FRMD1: variants seen among roughly 807,000 people sequenced by gnomAD.
FRMD1 encodes FERM domain containing 1.
A neutral mutation model predicts 54.9 loss-of-function variants in FRMD1; 51 were observed. The ratio of observed to expected loss-of-function variants is 0.93; its 90% CI spans 0.74 to 1.17. The LOEUF is 1.17. Ranked by LOEUF, FRMD1 falls within the 50% of genes most tolerant of loss-of-function variation. The pLI, the probability that FRMD1 is intolerant of heterozygous loss-of-function variation, is 0.00. For synonymous variants in FRMD1, 324 were observed against 306.4 expected (o/e 1.06, Z -0.60); for missense variants, 729 against 743.0 (o/e 0.98, Z 0.22).
In FRMD1 at chr6:168,054,976, T is replaced by C. The variant is rs956464990; in HGVS notation, c.*2121A>G. 1 of 152,298 alleles carries C rather than the reference T, an allele frequency of 6.6e-6. No homozygotes were observed. Among genetic ancestry groups the C allele is most frequent in the Non-Finnish European group, 1.5e-5 (1 of 68,096 alleles). The allele number at this position is 152,298 out of a possible 1,614,324, so 9.4% of individuals were successfully genotyped here. On this transcript the variant is annotated 3_prime_UTR_variant, in exon 11 of 11. Transcript: ENST00000283309. ...AGTCTCAGGGCAGCGGGCCTCTAAT[T>C]GTCCTCTCCACATACCCTGAACACC...
chr6:168,076,745 C>T (rs1006285191), intron 1 of FRMD1, among the ~76,000 whole-genome samples: 1 of 152,214 alleles, frequency 6.6e-6, no homozygotes, highest in Non-Finnish European at 1.5e-5. Flanking sequence ...TGATTATTGT[C>T]TGCTTAACTT....
Position 168,054,328 on chromosome 6 carries a change from C to T in FRMD1, c.*2769G>A, listed in dbSNP as rs575480972. The T allele has an allele frequency of 8.7e-4, 132 of 152,474 alleles. No homozygotes were observed. Among genetic ancestry groups the T allele is most frequent in the South Asian group, 5.4e-3 (26 of 4,828 alleles). The allele number at this position is 152,474 out of a possible 1,614,324, so 9.4% of individuals were successfully genotyped here. A position where few individuals can be genotyped will look rare whatever the true frequency, so the allele number is the denominator to read the frequency against. On this transcript the variant is annotated 3_prime_UTR_variant, in exon 11 of 11. Coordinates refer to ENST00000283309, the MANE Select transcript of FRMD1 (RefSeq NM_024919.6). The stretch of plus-strand genomic sequence containing the variant: ...GCTTGACCGCTGACCTGGCCCGGGC[C>T]ACAGGACTGACCACCCCAGCCGGGC...
chr6:168,057,288 C>T lies in FRMD1; in HGVS notation c.1459G>A (p.Asp487Asn). The change falls in exon 11 of 11, where the codon GAC becomes AAC. Residue 487 changes from aspartate to asparagine, a missense_variant. Transcript: ENST00000283309. ...GCCAGCTGGTGCAGCTGCATGTCGT[C>T]CAGGCCATGGCTGTGCTGCTCCTCA... is the stretch of plus-strand genomic sequence containing the variant. ...VSEEQHSHGL[D>N]DMQLHQLALH... 1.9e-6 allele frequency: 3 copies of T among 1,612,412 alleles called. No individual in the cohort carries two copies. The highest frequency in any genetic ancestry group is 2.5e-6 in the Non-Finnish European group (3 of 1,179,776).
intron 9 of FRMD1, among the ~76,000 whole-genome samples, chr6:168,060,172 T>C (rs1267226743): frequency 2.8e-5 from 2 of 70,324 alleles, no homozygotes; most frequent in Admixed American, 4.3e-4. Context: ...GGGGACTTCT[T>C]AGGAATGGGG....
chr6:168,089,943 C>T (rs1171289051), intron 1 of FRMD1, among the ~76,000 whole-genome samples: 1 of 152,178 alleles, frequency 6.6e-6, no homozygotes, highest in Non-Finnish European at 1.5e-5. Flanking sequence ...CTGCCCTCCT[C>T]GCCGGCAGGA....
At chr6:168,063,048 G>A (rs898561036) in intron 6 of FRMD1, 89 bp from the exon 7 acceptor site, 15 of 1,110,736 alleles carry the variant, frequency 1.4e-5, no homozygotes, top group Non-Finnish European at 1.5e-5. Flanking sequence ...GCTAGGGGCC[G>A]AGGGCTCCAT....
At chr6:168,068,158 T>C (rs1388469396) in intron 2 of FRMD1, among the ~76,000 whole-genome samples, 1 of 152,180 alleles carries the variant, frequency 6.6e-6, no homozygotes, top group Non-Finnish European at 1.5e-5. Flanking sequence ...GTCTATAATC[T>C]AGTACCAACG....
chr6:168,091,483 G>A (rs953398220), intron 1 of FRMD1, among the ~76,000 whole-genome samples: 11 of 152,214 alleles, frequency 7.2e-5, no homozygotes, highest in African/African-American at 2.7e-4. Context: ...TGGGGACTCC[G>A]TGGCCTCGGT....
chr6:168,072,862 G>A (rs188566242), intron 2 of FRMD1, among the ~76,000 whole-genome samples: 72 of 152,160 alleles, frequency 4.7e-4, no homozygotes, highest in South Asian at 4.2e-4. Flanking sequence ...CCACAAAACC[G>A]AATAGCAAAA....
At chr6:168,081,681 C>T, upstream of FRMD1, 1 of 585,352 alleles carries the variant, frequency 1.7e-6, no homozygotes, top group Non-Finnish European at 2.8e-6. Flanking sequence ...CTGACACAGG[C>T]ACAGGACTAA....
intron 2 of FRMD1, 135 bp from the exon 3 acceptor site, chr6:168,067,581 A>G (rs1474053258): frequency 4.8e-6 from 3 of 622,642 alleles, no homozygotes; most frequent in Admixed American, 6.3e-5. Flanking sequence ...GACGCTGCAT[A>G]TGGGGCTTTC....
upstream of FRMD1, among the ~76,000 whole-genome samples, chr6:168,086,418 C>A (rs2115030502): frequency 6.6e-6 from 1 of 151,944 alleles, no homozygotes; most frequent in Admixed American, 6.5e-5. Context: ...CACCTACACC[C>A]CTAGCATGGA....
intron 2 of FRMD1, among the ~76,000 whole-genome samples, chr6:168,074,850 T>C (rs1800503738): frequency 6.7e-6 from 1 of 149,490 alleles, no homozygotes; most frequent in Non-Finnish European, 1.5e-5. Flanking sequence ...TGTGGGCATG[T>C]GTGTGGTTTG....
Position 168,061,790 on chromosome 6 carries a change from A to ACCCAG in FRMD1, c.1045+12_1045+16dup. The ACCCAG allele has an allele frequency of 6.5e-7, 1 of 1,541,614 alleles. No homozygotes were observed. The highest frequency in any genetic ancestry group is 8.7e-7 in the Non-Finnish European group (1 of 1,144,252). On this transcript the variant is annotated intron_variant, in intron 8 of 10. Transcript: ENST00000283309. ...ACAGTCCGGCTGCGGAGCCCAGCAT[A>ACCCAG]CCCAGCCCAGCCCCACCTTCTGCCT...
intron 5 of FRMD1, 148 bp from the exon 6 acceptor site, chr6:168,063,904 A>C (rs2114972791): frequency 1.1e-6 from 1 of 892,442 alleles, no homozygotes; most frequent in South Asian, 1.9e-5. Flanking sequence ...TGAGCCCAGA[A>C]CCAGAGATGA....
At chr6:168,057,385 C>G in intron 10 of FRMD1, 46 bp from the exon 11 acceptor site, 1 of 1,589,534 alleles carries the variant, frequency 6.3e-7, no homozygotes, top group Non-Finnish European at 8.5e-7. Context: ...CCCTCTCACT[C>G]CCACCACCGC....
chr6:168,078,716 ACCCAGGGCCC>A (rs1800714618), intron 1 of FRMD1, among the ~76,000 whole-genome samples, 156 bp downstream of exon 1: 1 of 73,078 alleles, frequency 1.4e-5, no homozygotes, highest in Non-Finnish European at 2.5e-5. Context: ...CCCTATGGCC[ACCCAGGGCCC>A]TCCTCACCCC....
At position 168,062,895 on chromosome 6, in the gene FRMD1, T is replaced by G. The variant is rs1321368472; in HGVS notation, c.869A>C (p.Gln290Pro). 4 of 1,613,582 alleles carry G rather than the reference T, an allele frequency of 2.5e-6. No individual in the cohort carries two copies. Among genetic ancestry groups the G allele is most frequent in the African/African-American group, 1.3e-5 (1 of 74,986 alleles). Residue 290 changes from glutamine (Q) to proline (P), a missense_variant and splice_region_variant, in exon 7 of 11, where the codon CAG (glutamine) becomes CCG (proline). Transcript: ENST00000283309. ...TGAGGCTGGAGCCCCTTCGGTCACCTGGTAGATGTGCACTCCCCTGAGGGC... is the reference window on the plus strand; with the variant it reads ...TGAGGCTGGAGCCCCTTCGGTCACCGGGTAGATGTGCACTCCCCTGAGGGC... ...GLALRGVHIY[Q>P]GKKLEIQLDG... is the part of the protein sequence containing the mutation.
At chr6:168,070,990 A>G (rs1371648811) in intron 2 of FRMD1, among the ~76,000 whole-genome samples, 1 of 152,226 alleles carries the variant, frequency 6.6e-6, no homozygotes, top group Non-Finnish European at 1.5e-5. Flanking sequence ...AGATCGGGAC[A>G]CACCATGGAG....
Sources: gnomAD v4.1 joint callset for allele counts (sites outside exome capture counted in the v4.1 genomes callset) on GRCh38, gnomAD v4.1.1 for gene constraint, MANE v1.5 for transcripts, NCBI Gene and HGNC (gene_info 2026-07-23, HGNC 2026-07-21) for gene names.